The following NDE1 variants were observed in gnomAD, a reference collection of about 807,000 sequenced individuals.
NDE1 encodes nudE neurodevelopment protein 1.
A neutral mutation model predicts 43.4 loss-of-function variants in NDE1; 28 were observed. That is an observed-to-expected ratio of 0.65 (90% CI 0.48 to 0.89). The LOEUF (loss-of-function observed/expected upper bound fraction) is 0.89. Among genes scored for constraint, NDE1 ranks in the 40% least tolerant of loss-of-function variants. The probability of loss-of-function intolerance (pLI) is 0.00; values close to 1 mark genes in which losing one functional copy is unlikely to be tolerated. For missense variants in NDE1, 441 were observed against 434.1 expected (o/e 1.02, Z -0.14); for synonymous variants, 184 against 172.0 (o/e 1.07, Z -0.55).
At chr16:15,707,242 G>A (rs1045959851) in intron 8 of NDE1, among the ~76,000 whole-genome samples, 1 of 152,124 alleles carries the variant, frequency 6.6e-6, no homozygotes, top group African/African-American at 2.4e-5. Context: ...TTACCATGTT[G>A]GCCAGGCTGG....
At chr16:15,668,495 A>T (rs1025621297) in intron 3 of NDE1, among the ~76,000 whole-genome samples, 1 of 152,108 alleles carries the variant, frequency 6.6e-6, no homozygotes, top group Non-Finnish European at 1.5e-5. Flanking sequence ...GAACTCCTGG[A>T]CGCGAGCAGT....
chr16:15,690,902 G>A (rs1374596067), intron 5 of NDE1, among the ~76,000 whole-genome samples: 1 of 152,098 alleles, frequency 6.6e-6, no homozygotes, highest in Non-Finnish European at 1.5e-5. Flanking sequence ...TGGCCTCCCA[G>A]GTTCAAATGA....
chr16:15,692,500 C>G lies in NDE1; in HGVS notation c.703+1177C>G, dbSNP rs529297766. On this transcript the variant is annotated intron_variant, in intron 6 of 8. Coordinates refer to ENST00000396354, the MANE Select transcript of NDE1 (RefSeq NM_017668.3). ...TATTGGCTCGCTGTAACCCCCTCCT[C>G]CCAGGTTCAAGTGATTCTCCTGCCT... Among the ~76,000 whole-genome samples, 14 of 152,142 alleles carry G rather than the reference C, an allele frequency of 9.2e-5. No individual in the cohort carries two copies. The South Asian group carries it at 2.9e-3, about 32-fold the overall frequency.
chr16:15,705,984 CAA>C (rs57451847), intron 8 of NDE1, among the ~76,000 whole-genome samples: 10 of 56,758 alleles, frequency 1.8e-4, no homozygotes, highest in African/African-American at 5.6e-4. Context: ...GACTCCGTCT[CAA>C]AAAAAAAAAA....
rs578112529 is a variant in NDE1, at chr16:15,719,057, G to A, written c.948-5134G>A. ...GCAGGAGAATTGCTTGAACCTGGGA[G>A]GTGGAGGTTGCAGTGAGCCAAGATT... is the stretch of plus-strand genomic sequence containing the variant. On this transcript the variant is annotated intron_variant, in intron 8 of 8. Coordinates refer to ENST00000396354, the MANE Select transcript of NDE1 (RefSeq NM_017668.3). 1.2e-4 allele frequency: 81 copies of A among 697,082 alleles called. No homozygotes were observed. In the Admixed American group the frequency reaches 1.6e-3, roughly 14 times the overall value. The allele number at this position is 697,082 out of a possible 1,614,324, so 43.2% of individuals were successfully genotyped here. A position where few individuals can be genotyped will look rare whatever the true frequency, so the allele number is the denominator to read the frequency against.
At chr16:15,670,924 A>G (rs1369669531) in intron 3 of NDE1, among the ~76,000 whole-genome samples, 1 of 152,146 alleles carries the variant, frequency 6.6e-6, no homozygotes, top group Non-Finnish European at 1.5e-5. Context: ...GGTCCCAGAC[A>G]CGTTGAAGGT....
At chr16:15,711,363 G>C (rs900184796) in intron 8 of NDE1, 1 of 152,136 alleles carries the variant, frequency 6.6e-6, no homozygotes, top group Non-Finnish European at 1.5e-5. Flanking sequence ...GCTAATGGCT[G>C]TTGTCACTCC....
rs143588920 is a variant in NDE1, at chr16:15,724,233, G to A, written c.990G>A (p.Arg330=). The change falls in exon 9 of 9, where the codon AGG becomes AGA. Residue 330 remains arginine (R), a synonymous_variant. Coordinates refer to ENST00000396354, the MANE Select transcript of NDE1 (RefSeq NM_017668.3). ...GCTGGTTGTCCAAATCAACAACCAG[G>A]TCGTCCAGCTCCTGCTGAAGCCTGT... ...SCRWLSKSTT[R]SSSSC The A allele has an allele frequency of 5.5e-5, 88 of 1,614,058 alleles. No homozygotes were observed. The highest frequency in any genetic ancestry group is 2.1e-4 in the African/African-American group (16 of 74,928).
chr16:15,679,492 C>G (rs1596594940), intron 4 of NDE1, among the ~76,000 whole-genome samples: 1 of 152,130 alleles, frequency 6.6e-6, no homozygotes, highest in African/African-American at 2.4e-5. Flanking sequence ...TAGACGCCCT[C>G]TTCTCTCTCC....
rs369592193 is a variant in NDE1 at position 15,661,972 on chromosome 16, T to C, written c.-43-2764T>C. On this transcript the variant is annotated intron_variant, in intron 1 of 8. Transcript: ENST00000396354. Reference sequence around the variant, plus strand: ...TTTTTTAGACAAGGTCTCACTCTCTTGCCCAGGCTGGAGTGCAGTACCGTG... The same window carrying C: ...TTTTTTAGACAAGGTCTCACTCTCTCGCCCAGGCTGGAGTGCAGTACCGTG... Among the ~76,000 whole-genome samples, 23 of 152,136 alleles carry C rather than the reference T, an allele frequency of 1.5e-4. No homozygotes were observed. The East Asian group carries it at 2.9e-3, about 19-fold the overall frequency.
At chr16:15,673,309 A>C (rs1475531005) in intron 3 of NDE1, among the ~76,000 whole-genome samples, 1 of 151,960 alleles carries the variant, frequency 6.6e-6, no homozygotes, top group African/African-American at 2.4e-5. Flanking sequence ...TCCCGGGCTC[A>C]AGCGATTCCC....
intron 5 of NDE1, among the ~76,000 whole-genome samples, chr16:15,688,037 G>A (rs1223637774): frequency 2.6e-5 from 4 of 152,136 alleles, no homozygotes; most frequent in African/African-American, 9.7e-5. Context: ...TTAGCTGGGT[G>A]TGATGGCATG....
At chr16:15,669,403 C>T (rs1002669301) in intron 3 of NDE1, among the ~76,000 whole-genome samples, 1 of 142,382 alleles carries the variant, frequency 7.0e-6, no homozygotes, top group African/African-American at 2.6e-5. Flanking sequence ...CACTCTGTTG[C>T]CAGGCTGGAG....
At chr16:15,697,807 G>T (rs1255347170) in intron 8 of NDE1, among the ~76,000 whole-genome samples, 19 of 149,172 alleles carry the variant, frequency 1.3e-4, no homozygotes, top group South Asian at 6.5e-4. Context: ...TTTTTTTTTT[G>T]TTTTGTTTTG....
intron 4 of NDE1, chr16:15,686,418 T>C (rs1479968854): frequency 1.0e-6 from 1 of 985,328 alleles, no homozygotes; most frequent in African/African-American, 1.7e-5. Context: ...CCACAGTGTT[T>C]ATGCCCTTCA....
At chr16:15,720,812 T>A in intron 8 of NDE1, 1 of 1,611,462 alleles carries the variant, frequency 6.2e-7, no homozygotes, top group Non-Finnish European at 8.5e-7. Context: ...CCGACCTCCC[T>A]CTGCTGGCCT....
At chr16:15,647,331 T>C (rs2036350627), upstream of NDE1, among the ~76,000 whole-genome samples, 1 of 152,200 alleles carries the variant, frequency 6.6e-6, no homozygotes, top group Admixed American at 6.5e-5. Flanking sequence ...TCTAGCATAG[T>C]GCTGAAGAAG....
chr16:15,695,434 G>T, intron 7 of NDE1: 3 of 925,806 alleles, frequency 3.2e-6, no homozygotes, highest in South Asian at 1.0e-4. Context: ...TTTGAATCCG[G>T]GAGGCGGAGG....
intron 1 of NDE1, among the ~76,000 whole-genome samples, chr16:15,657,791 G>A (rs147815045): frequency 2.3e-4 from 35 of 151,940 alleles, no homozygotes; most frequent in African/African-American, 8.0e-4. Flanking sequence ...TAGTAGACAC[G>A]GGGTTTCACC....
Sources: gnomAD v4.1 joint callset for allele counts (sites outside exome capture counted in the v4.1 genomes callset) on GRCh38, gnomAD v4.1.1 for gene constraint, MANE v1.5 for transcripts, NCBI Gene and HGNC (gene_info 2026-07-23, HGNC 2026-07-21) for gene names.